BCAS3: variants seen among roughly 807,000 people sequenced by gnomAD.
BCAS3 encodes BCAS3 microtubule associated cell migration factor.
Under a neutral mutation model 116.1 loss-of-function variants are expected in BCAS3, and 53 were observed. The observed-to-expected ratio is 0.46, with a 90% CI of 0.37 to 0.57. The LOEUF is 0.57. Among genes scored for constraint, BCAS3 ranks in the 20% least tolerant of loss-of-function variants. The probability of loss-of-function intolerance (pLI) is 0.00; values close to 1 mark genes in which losing one functional copy is unlikely to be tolerated. For missense variants in BCAS3, 917 were observed against 1,165.4 expected (o/e 0.79, Z 3.10); for synonymous variants, 391 against 408.2 (o/e 0.96, Z 0.51).
At chr17:61,306,515 G>A (rs1431094429) in intron 22 of BCAS3, among the ~76,000 whole-genome samples, 2 of 152,156 alleles carry the variant, frequency 1.3e-5, no homozygotes, top group Non-Finnish European at 2.9e-5. Context: ...AAGCTTTTAT[G>A]CCTGTAATCC....
intron 19 of BCAS3, 70 bp from the exon 20 acceptor site, chr17:61,074,850 G>T: frequency 1.0e-6 from 1 of 991,532 alleles, no homozygotes; most frequent in Non-Finnish European, 1.5e-6. Context: ...TATCCAAAAT[G>T]GTTGTGCCCA....
chr17:61,150,554 A>G (rs559768315), intron 22 of BCAS3, among the ~76,000 whole-genome samples: 1 of 152,360 alleles, frequency 6.6e-6, no homozygotes, highest in East Asian at 1.9e-4. Context: ...TGCTACCAGT[A>G]TAGAGTTTAC....
rs1338335237 is a variant in BCAS3 at position 61,136,879 on chromosome 17, C to A, written c.2425+52315C>A. Among the ~76,000 whole-genome samples the A allele has an allele frequency of 2.0e-5, 3 of 152,124 alleles. No individual in the cohort carries two copies. Among genetic ancestry groups the A allele is most frequent in the African/African-American group, 7.2e-5 (3 of 41,398 alleles). ...CAGCCAATTGTCCCCATTTAAGAAC[C>A]ACTACCCTGGAAACCAGCAGTAACC... On this transcript the variant is annotated intron_variant, in intron 22 of 23. Coordinates refer to ENST00000407086, the MANE Select transcript of BCAS3 (RefSeq NM_017679.5). This position sits in a 1 kb window ranked among gnomAD's most constrained non-coding sequence, Gnocchi z 4.4.
At chr17:60,836,791 A>T (rs898323829) in intron 7 of BCAS3, among the ~76,000 whole-genome samples, 5 of 152,182 alleles carry the variant, frequency 3.3e-5, no homozygotes, top group African/African-American at 9.7e-5. Context: ...AATGTTTCCC[A>T]TGTTAGTGTT....
intron 6 of BCAS3, among the ~76,000 whole-genome samples, chr17:60,784,227 C>T (rs1472430459): frequency 1.4e-5 from 2 of 141,666 alleles, no homozygotes; most frequent in African/African-American, 5.5e-5. Flanking sequence ...GTAAAATTAC[C>T]AAATTGAAAA....
At position 61,084,497 on chromosome 17, in the gene BCAS3, C is replaced by T; in HGVS notation, c.2358C>T (p.Ser786=). 5.0e-6 allele frequency: 8 copies of T among 1,614,068 alleles called. No individual in the cohort carries two copies. The highest frequency in any genetic ancestry group is 6.8e-6 in the Non-Finnish European group (8 of 1,179,952). ...RIQPVRSDPV[S]MPGSSRPVSD... is the part of the protein sequence containing the mutation. ...AGCCAGTCCGCTCTGACCCCGTCAGCATGCCAGGGTCATCCCGTCCAGTCT... is the reference window on the plus strand; with the variant it reads ...AGCCAGTCCGCTCTGACCCCGTCAGTATGCCAGGGTCATCCCGTCCAGTCT... The change falls in exon 22 of 24, where the codon AGC becomes AGT. Residue 786 remains serine, a synonymous_variant. Transcript: ENST00000407086. This position sits in a 1 kb window ranked among gnomAD's most constrained non-coding sequence, Gnocchi z 5.5.
rs201793225 is a variant in BCAS3, at chr17:61,055,705, A to AT, written c.2029+14822dup. Among the ~76,000 whole-genome samples the AT allele has an allele frequency of 1.6e-3, 247 of 151,670 alleles. 1 individual carries two copies. The highest frequency in any genetic ancestry group is 5.5e-3 in the African/African-American group (226 of 41,358). ...AGCCTTGTGCCAAATTACTCTTCTAATTTTTTTTTCTCTGTTCTTACATGG... is the reference window on the plus strand; with the variant it reads ...AGCCTTGTGCCAAATTACTCTTCTAATTTTTTTTTTCTCTGTTCTTACATGG... On this transcript the variant is annotated intron_variant, in intron 19 of 23. Coordinates refer to ENST00000407086, the MANE Select transcript of BCAS3 (RefSeq NM_017679.5).
At chr17:61,031,433 G>C (rs2066631954) in intron 16 of BCAS3, among the ~76,000 whole-genome samples, 1 of 151,956 alleles carries the variant, frequency 6.6e-6, no homozygotes, top group East Asian at 1.9e-4. Context: ...AGCTTTCTTG[G>C]ACTTTTAAAA....
Position 60,990,149 on chromosome 17 carries a change from T to G in BCAS3, c.1400T>G (p.Ile467Ser). The change falls in exon 15 of 24, where the codon ATT becomes AGT. Residue 467 changes from isoleucine (I) to serine (S), a missense_variant. By Grantham distance (142) the Ile-to-Ser change is moderately radical. This residue lies in a region of BCAS3 where 807 missense variants were observed against 1,026.0 expected (regional missense o/e 0.79). Transcript: ENST00000407086. The surrounding 1 kb of genome is among the most constrained non-coding windows in gnomAD (Gnocchi z 5.1). ...RFQKSAGLEE[I>S]EQELTSKQGG... ...CAGAAAAGTGCTGGACTGGAAGAGA[T>G]TGAACAAGAACTGACGTCTAAGCAA... 1 of 1,614,154 alleles carries G rather than the reference T, an allele frequency of 6.2e-7. No individual in the cohort carries two copies. The highest frequency in any genetic ancestry group is 8.5e-7 in the Non-Finnish European group (1 of 1,180,014).
At chr17:61,319,840 A>G (rs1398005772) in intron 22 of BCAS3, among the ~76,000 whole-genome samples, 4 of 151,376 alleles carry the variant, frequency 2.6e-5, no homozygotes, top group East Asian at 1.9e-4. Flanking sequence ...CACAATTTTC[A>G]TAGAATAGTC....
chr17:60,777,860 C>T (rs765404644), intron 6 of BCAS3, among the ~76,000 whole-genome samples: 35 of 152,194 alleles, frequency 2.3e-4, no homozygotes, highest in Admixed American at 1.0e-3. Flanking sequence ...CTTCCTTTCT[C>T]TTTGTTGCTG....
intron 2 of BCAS3, among the ~76,000 whole-genome samples, chr17:60,682,999 A>G (rs1598012217): frequency 6.6e-6 from 1 of 151,992 alleles, no homozygotes; most frequent in African/African-American, 2.4e-5. Flanking sequence ...CTGGCTGCCA[A>G]CTTCTGGGTT....
At chr17:60,925,401 A>G (rs1599728880) in intron 13 of BCAS3, among the ~76,000 whole-genome samples, 1 of 152,140 alleles carries the variant, frequency 6.6e-6, no homozygotes, top group Non-Finnish European at 1.5e-5. Context: ...TTGTCTCCCT[A>G]TTTGTGGTGC....
intron 7 of BCAS3, among the ~76,000 whole-genome samples, chr17:60,828,487 G>C (rs9896207): frequency 0.22 from 33,391 of 152,000 alleles, 4,724 homozygotes; most frequent in African/African-American, 0.41. Context: ...TTGATTTTCT[G>C]GTATCAAAGT....
In BCAS3 at chr17:61,249,030, A is replaced by G. The variant is rs920097623; in HGVS notation, c.2426-119297A>G. 4.6e-5 allele frequency among the ~76,000 whole-genome samples: 7 copies of G among 152,224 alleles called. No homozygotes were observed. Among genetic ancestry groups the G allele is most frequent in the African/African-American group, 1.7e-4 (7 of 41,460 alleles). Reference sequence around the variant, plus strand: ...GCTGGGCTTGGTGGCTCACGCCTGTAATCCCAGAACTTTGGGAGGCCGAGG... The same window carrying G: ...GCTGGGCTTGGTGGCTCACGCCTGTGATCCCAGAACTTTGGGAGGCCGAGG... On this transcript the variant is annotated intron_variant, in intron 22 of 23. Transcript: ENST00000407086. This position sits in a 1 kb window ranked among gnomAD's most constrained non-coding sequence, Gnocchi z 6.2.
chr17:61,288,059 GC>G (rs2052011747), intron 22 of BCAS3, among the ~76,000 whole-genome samples: 1 of 152,202 alleles, frequency 6.6e-6, no homozygotes, highest in East Asian at 1.9e-4. Flanking sequence ...ACAGTCAGAA[GC>G]CCTGGGCTCT....
At chr17:61,317,310 A>T (rs944897744) in intron 22 of BCAS3, among the ~76,000 whole-genome samples, 1 of 152,212 alleles carries the variant, frequency 6.6e-6, no homozygotes, top group Admixed American at 6.5e-5. Context: ...CAGGACACAC[A>T]ATATACAGTA....
intron 6 of BCAS3, among the ~76,000 whole-genome samples, chr17:60,774,131 C>G (rs771872966): frequency 6.6e-6 from 1 of 152,170 alleles, no homozygotes; most frequent in Non-Finnish European, 1.5e-5. Context: ...TCACAACTCA[C>G]TGATGCTCTG....
intron 22 of BCAS3, among the ~76,000 whole-genome samples, chr17:61,299,590 A>T (rs1338204712): frequency 1.3e-5 from 2 of 152,170 alleles, no homozygotes; most frequent in African/African-American, 4.8e-5. Context: ...AAAGAATCTC[A>T]TTAATATTTG....
Sources: gnomAD v4.1 joint callset for allele counts (sites outside exome capture counted in the v4.1 genomes callset) on GRCh38, gnomAD v4.1.1 for gene constraint, gnomAD v4.1.1 regional missense constraint, Gnocchi (gnomAD v3.1) non-coding constraint, MANE v1.5 for transcripts, NCBI Gene and HGNC (gene_info 2026-07-23, HGNC 2026-07-21) for gene names.